FUT9: variants seen among roughly 807,000 people sequenced by gnomAD.
The protein encoded by FUT9 is fucosyltransferase 9.
In FUT9, 15 loss-of-function variants were observed where a neutral mutation model predicts 29.7. The observed-to-expected ratio is 0.51, with a 90% CI of 0.34 to 0.78. The LOEUF is 0.78. Ranked by LOEUF, FUT9 falls within the 30% of genes least tolerant of loss-of-function variation. The pLI is 0.01. For missense variants in FUT9, 319 were observed against 425.4 expected (o/e 0.75, Z 2.20); for synonymous variants, 169 against 153.7 (o/e 1.10, Z -0.74).
chr6:96,165,917 T>A (rs1773008199), intron 2 of FUT9, among the ~76,000 whole-genome samples: 1 of 152,102 alleles, frequency 6.6e-6, no homozygotes, highest in Non-Finnish European at 1.5e-5. Flanking sequence ...CACTTGGCCT[T>A]GTTTTTATAT....
intron 2 of FUT9, among the ~76,000 whole-genome samples, chr6:96,144,389 T>C (rs1020016052): frequency 6.6e-6 from 1 of 152,170 alleles, no homozygotes; most frequent in Non-Finnish European, 1.5e-5. Context: ...ATATTCTAGA[T>C]TGAAACAACT....
intron 2 of FUT9, among the ~76,000 whole-genome samples, chr6:96,184,967 A>C (rs1016133353): frequency 1.3e-5 from 2 of 152,030 alleles, no homozygotes; most frequent in African/African-American, 4.8e-5. Flanking sequence ...CATAGATAGA[A>C]ATGCTTTTTT....
Position 96,127,296 on chromosome 6 carries a change from G to A in FUT9, c.-9+13169G>A, listed in dbSNP as rs566660216. On this transcript the variant is annotated intron_variant, in intron 2 of 2. Coordinates refer to ENST00000302103, the MANE Select transcript of FUT9 (RefSeq NM_006581.4). ...TATAAGTAAGAATACATGATACTTA[G>A]TTTCTTGTTTTTGCATTAGTTTCTT... is the stretch of plus-strand genomic sequence containing the variant. Among the ~76,000 whole-genome samples the A allele has an allele frequency of 7.9e-5, 12 of 152,180 alleles. No individual in the cohort carries two copies. The East Asian group carries it at 2.1e-3, about 27-fold the overall frequency.
chr6:96,144,247 A>G (rs887145589), intron 2 of FUT9, among the ~76,000 whole-genome samples: 3 of 152,092 alleles, frequency 2.0e-5, no homozygotes, highest in Admixed American at 2.0e-4. Flanking sequence ...AATTAGTTGA[A>G]CGAATGATGG....
At chr6:96,028,720 G>T (rs758833104) in intron 1 of FUT9, among the ~76,000 whole-genome samples, 5 of 151,428 alleles carry the variant, frequency 3.3e-5, no homozygotes, top group Admixed American at 2.6e-4. Context: ...AATCCAATTC[G>T]ATAATCAGCA....
At chr6:96,085,309 C>T (rs566663624) in intron 1 of FUT9, among the ~76,000 whole-genome samples, 13 of 152,270 alleles carry the variant, frequency 8.5e-5, no homozygotes, top group Admixed American at 8.5e-4. Context: ...AAGATGCCAG[C>T]AGAGTTGATG....
chr6:96,157,049 C>CT (rs1156402984), intron 2 of FUT9, among the ~76,000 whole-genome samples: 1 of 152,148 alleles, frequency 6.6e-6, no homozygotes, highest in African/African-American at 2.4e-5. Flanking sequence ...AAGTGCAATG[C>CT]TTTTGCCTAA....
intron 1 of FUT9, among the ~76,000 whole-genome samples, chr6:96,019,921 A>G (rs946618451): frequency 5.9e-5 from 9 of 152,218 alleles, no homozygotes; most frequent in Non-Finnish European, 1.2e-4. Context: ...TTGTCTTTCT[A>G]TAAAATAAAA....
chr6:96,043,003 C>T (rs1323308847), intron 1 of FUT9, among the ~76,000 whole-genome samples: 1 of 152,176 alleles, frequency 6.6e-6, no homozygotes, highest in Non-Finnish European at 1.5e-5. Context: ...AAATAAAATA[C>T]ATTTTACCTG....
chr6:96,101,493 G>A (rs1476932593), intron 1 of FUT9, among the ~76,000 whole-genome samples: 3 of 151,870 alleles, frequency 2.0e-5, no homozygotes, highest in East Asian at 2.0e-4. Flanking sequence ...AGGCTGCAGT[G>A]AGCTGAGATG....
At chr6:96,160,752 G>A (rs1361683713) in intron 2 of FUT9, among the ~76,000 whole-genome samples, 2 of 152,074 alleles carry the variant, frequency 1.3e-5, no homozygotes, top group Admixed American at 1.3e-4. Flanking sequence ...TGAAAATGCA[G>A]ATCTATGTAT....
At chr6:96,060,348 A>G (rs558004559) in intron 1 of FUT9, among the ~76,000 whole-genome samples, 1 of 152,336 alleles carries the variant, frequency 6.6e-6, no homozygotes, top group South Asian at 2.1e-4. Context: ...ACTAAATTAA[A>G]CTTAATTATA....
chr6:96,199,682 T>C (rs183921014), intron 2 of FUT9, among the ~76,000 whole-genome samples: 148 of 152,254 alleles, frequency 9.7e-4, no homozygotes, highest in Admixed American at 3.4e-3. Context: ...CCAATTTTAA[T>C]GGGAGTAATT....
rs1262103363 is a variant in FUT9 at position 96,211,849 on chromosome 6, G to A, written c.*7614G>A. On this transcript the variant is annotated 3_prime_UTR_variant, in exon 3 of 3. Transcript: ENST00000302103. ...AGTATTAGAAATGTCTGTTATGTCA[G>A]TAACATTAGAAAACTTCAAAAACTG... 2.7e-6 allele frequency: 1 copy of A among 370,460 alleles called. No individual in the cohort carries two copies. Among genetic ancestry groups the A allele is most frequent in the Non-Finnish European group, 5.0e-6 (1 of 200,116 alleles). 22.9% of individuals were successfully genotyped at this position (370,460 alleles called of 1,614,324 possible).
intron 1 of FUT9, among the ~76,000 whole-genome samples, chr6:96,030,627 A>G (rs2127926232): frequency 6.6e-6 from 1 of 151,666 alleles, no homozygotes; most frequent in South Asian, 2.1e-4. Flanking sequence ...ATTTCTAGGT[A>G]TTTACTCAAG....
chr6:96,140,811 T>G (rs1175465471), intron 2 of FUT9, among the ~76,000 whole-genome samples: 2 of 152,226 alleles, frequency 1.3e-5, no homozygotes, highest in Admixed American at 6.5e-5. Flanking sequence ...CATGCTGAGA[T>G]TATGATCTAC....
intron 1 of FUT9, among the ~76,000 whole-genome samples, chr6:96,034,322 T>C (rs1270485196): frequency 6.6e-6 from 1 of 151,640 alleles, no homozygotes; most frequent in Non-Finnish European, 1.5e-5. Flanking sequence ...TATGAGGTTA[T>C]GGTTAAGCAC....
intron 1 of FUT9, among the ~76,000 whole-genome samples, chr6:96,111,730 T>G (rs528334740): frequency 6.6e-6 from 1 of 152,140 alleles, no homozygotes; most frequent in Non-Finnish European, 1.5e-5. Flanking sequence ...AGATGTTGGA[T>G]GGTAAAAACA....
intron 1 of FUT9, among the ~76,000 whole-genome samples, chr6:96,112,835 T>C (rs1375628199): frequency 6.6e-6 from 1 of 152,188 alleles, no homozygotes; most frequent in Non-Finnish European, 1.5e-5. Flanking sequence ...AAGAGAAAAC[T>C]GAATCTGCCC....
Sources: gnomAD v4.1 joint callset for allele counts (sites outside exome capture counted in the v4.1 genomes callset) on GRCh38, gnomAD v4.1.1 for gene constraint, MANE v1.5 for transcripts, NCBI Gene and HGNC (gene_info 2026-07-23, HGNC 2026-07-21) for gene names.